Variants in LRIG1 observed in about 807,000 individuals in gnomAD.
The protein encoded by LRIG1 is leucine-rich repeats and immunoglobulin-like domains protein 1.
A neutral mutation model predicts 99.2 loss-of-function variants in LRIG1; 48 were observed. That is an observed-to-expected ratio of 0.48 (90% CI 0.38 to 0.62). The LOEUF is 0.62. LRIG1 is among the 20% of genes least tolerant of loss of function. LRIG1 has a pLI of 0.00. For synonymous variants in LRIG1, 772 were observed against 596.1 expected (o/e 1.29, Z -4.30); for missense variants, 1,646 against 1,434.4 (o/e 1.15, Z -2.38).
chr3:66,417,229 G>A lies in LRIG1; in HGVS notation c.403C>T (p.Leu135=), dbSNP rs1456712619. The change falls in exon 4 of 19, where the codon CTG becomes TTG. Residue 135 remains leucine, a synonymous_variant. Transcript: ENST00000273261. ...NKIRSVEGSQ[L]KAYLSLEVLD... is the part of the protein sequence containing the mutation. The stretch of plus-strand genomic sequence containing the variant: ...ACTTCTAAGGAAAGGTAGGCCTTCA[G>A]CTGGCTCCCCTCCACGCTGCGAATC... 1 of 1,614,164 alleles carries A rather than the reference G, an allele frequency of 6.2e-7. No individual in the cohort carries two copies. Among genetic ancestry groups the A allele is most frequent in the Admixed American group, 1.7e-5 (1 of 60,026 alleles).
At chr3:66,402,436 T>C (rs899133030) in intron 9 of LRIG1, among the ~76,000 whole-genome samples, 4 of 152,134 alleles carry the variant, frequency 2.6e-5, no homozygotes, top group Non-Finnish European at 4.4e-5. Context: ...GTGCGTAAGC[T>C]GGAAAAATTA....
intron 1 of LRIG1, among the ~76,000 whole-genome samples, chr3:66,470,505 G>A (rs912400329): frequency 1.2e-4 from 19 of 152,144 alleles, no homozygotes; most frequent in African/African-American, 3.9e-4. Flanking sequence ...CTCCTAGAAA[G>A]GAAAGGGCAA....
intron 4 of LRIG1, among the ~76,000 whole-genome samples, chr3:66,416,020 G>A (rs11925003): frequency 0.19 from 29,346 of 152,100 alleles, 2,912 homozygotes; most frequent in Admixed American, 0.26. Flanking sequence ...TTTGCAAATG[G>A]GGCTGGACTG....
At chr3:66,494,898 A>G (rs1043860265) in intron 1 of LRIG1, among the ~76,000 whole-genome samples, 5 of 152,244 alleles carry the variant, frequency 3.3e-5, no homozygotes, top group African/African-American at 1.2e-4. Flanking sequence ...ATAATTGGAC[A>G]ATTAATTGGT....
intron 12 of LRIG1, among the ~76,000 whole-genome samples, chr3:66,390,380 A>G (rs1300044213): frequency 6.6e-6 from 1 of 152,204 alleles, no homozygotes; most frequent in East Asian, 1.9e-4. Flanking sequence ...ACAATAGCAA[A>G]AAGAATAAAA....
chr3:66,481,400 T>C (rs1006789317), intron 1 of LRIG1, among the ~76,000 whole-genome samples: 29 of 152,256 alleles, frequency 1.9e-4, no homozygotes, highest in African/African-American at 6.5e-4. Context: ...ATTAAAAGCA[T>C]TGTTTCACCT....
intron 1 of LRIG1, chr3:66,498,351 T>A (rs545129515): frequency 1.3e-5 from 2 of 152,258 alleles, no homozygotes; most frequent in African/African-American, 4.8e-5. Context: ...AAATAACCAG[T>A]ATGTTTTGCT....
intron 3 of LRIG1, among the ~76,000 whole-genome samples, chr3:66,424,101 G>A (rs572959314): frequency 6.6e-6 from 1 of 152,288 alleles, no homozygotes; most frequent in African/African-American, 2.4e-5. Flanking sequence ...AAAGAAGCCT[G>A]CTCCAGCTGG....
At chr3:66,387,038 G>A (rs963426229) in intron 12 of LRIG1, 1 of 149,106 alleles carries the variant, frequency 6.7e-6, no homozygotes, top group Non-Finnish European at 1.5e-5. Context: ...AACACGGAAA[G>A]CCCCATTCAC....
intron 11 of LRIG1, 43 bp downstream of exon 11, chr3:66,398,069 T>G (rs376296342): frequency 9.0e-6 from 13 of 1,447,846 alleles, no homozygotes; most frequent in Non-Finnish European, 1.2e-5. Context: ...ACTCTGAAAG[T>G]CTCCACTACC....
intron 3 of LRIG1, among the ~76,000 whole-genome samples, chr3:66,422,627 T>G (rs572656111): frequency 6.6e-6 from 1 of 152,212 alleles, no homozygotes; most frequent in Non-Finnish European, 1.5e-5. Flanking sequence ...AGTTCCAAAC[T>G]TTCCCACATC....
At chr3:66,407,585 G>A (rs747511939) in intron 7 of LRIG1, 94 bp from the exon 8 acceptor site, 20 of 1,451,626 alleles carry the variant, frequency 1.4e-5, no homozygotes, top group Admixed American at 1.8e-5. Context: ...CTGGGTTTCA[G>A]TGGGAAATGA....
At chr3:66,429,982 A>G (rs1484450835) in intron 3 of LRIG1, among the ~76,000 whole-genome samples, 3 of 152,208 alleles carry the variant, frequency 2.0e-5, no homozygotes, top group Non-Finnish European at 4.4e-5. Context: ...TATAAACCGC[A>G]CACCGGCTAG....
intron 12 of LRIG1, among the ~76,000 whole-genome samples, chr3:66,390,832 T>A (rs561794203): frequency 2.4e-4 from 37 of 152,162 alleles, no homozygotes; most frequent in African/African-American, 8.4e-4. Context: ...TCACCAAAAT[T>A]AAAAACTTTT....
rs201954431 is a variant in LRIG1 at position 66,381,520 on chromosome 3, G to A, written c.2729C>T (p.Ala910Val). 4.5e-5 allele frequency: 72 copies of A among 1,613,792 alleles called. No individual in the cohort carries two copies. The highest frequency in any genetic ancestry group is 2.0e-4 in the South Asian group (18 of 91,076). ...GSAYHKEPWK[A>V]MEKAEGTPGP... is the part of the protein sequence containing the mutation. ...AGGTGTCCCTTCAGCTTTCTCCATC[G>A]CTTTCCACGGCTCTTTGTGATACGC... The change falls in exon 17 of 19, where the codon GCG becomes GTG. Residue 910 changes from alanine (A) to valine (V), a missense_variant. Ala to Val is a moderately conservative substitution (Grantham distance 64, BLOSUM62 0). Transcript: ENST00000273261.
intron 3 of LRIG1, among the ~76,000 whole-genome samples, chr3:66,449,039 G>A (rs183095199): frequency 1.3e-5 from 2 of 152,314 alleles, no homozygotes; most frequent in Admixed American, 6.5e-5. Flanking sequence ...ATCATCATGT[G>A]GATGGGGCTG....
At chr3:66,488,822 T>G (rs978140860) in intron 1 of LRIG1, among the ~76,000 whole-genome samples, 1 of 152,226 alleles carries the variant, frequency 6.6e-6, no homozygotes, top group Non-Finnish European at 1.5e-5. Flanking sequence ...GCCCATCCAG[T>G]CCTTAAAGGC....
chr3:66,496,295 G>C lies in LRIG1; in HGVS notation c.218+3895C>G, dbSNP rs944389172. Among the ~76,000 whole-genome samples the C allele has an allele frequency of 3.3e-5, 5 of 152,154 alleles. No homozygotes were observed. In the East Asian group the frequency reaches 9.6e-4, roughly 29 times the overall value. ...TGCCAATACACAGTTAATTTACATGGGGCGCTGGGAATCTCTGGACACTTC... is the reference window on the plus strand; with the variant it reads ...TGCCAATACACAGTTAATTTACATGCGGCGCTGGGAATCTCTGGACACTTC... On this transcript the variant is annotated intron_variant, in intron 1 of 18. Coordinates refer to ENST00000273261, the MANE Select transcript of LRIG1 (RefSeq NM_015541.3).
intron 6 of LRIG1, among the ~76,000 whole-genome samples, chr3:66,410,963 C>G (rs1029403210): frequency 6.6e-6 from 1 of 152,244 alleles, no homozygotes. Context: ...GCTCTGGCGT[C>G]AGACTACCTG....
Sources: gnomAD v4.1 joint callset for allele counts (sites outside exome capture counted in the v4.1 genomes callset) on GRCh38, gnomAD v4.1.1 for gene constraint, MANE v1.5 for transcripts, NCBI Gene and HGNC (gene_info 2026-07-23, HGNC 2026-07-21) for gene names.